Variants in TNFRSF8 observed in about 807,000 individuals in gnomAD.
TNFRSF8 encodes the protein tumor necrosis factor receptor superfamily member 8.
Under a neutral mutation model 70.8 loss-of-function variants are expected in TNFRSF8, and 26 were observed. The ratio of observed to expected loss-of-function variants is 0.37; its 90% confidence interval spans 0.27 to 0.51. The LOEUF (loss-of-function observed/expected upper bound fraction) is 0.51, where lower values mean the gene tolerates loss of function less well. TNFRSF8 is among the 20% of genes least tolerant of loss of function. The pLI is 0.94. For synonymous variants in TNFRSF8, 356 were observed against 339.2 expected, an observed-to-expected ratio of 1.05 and a Z score of -0.54; for missense variants, 720 against 807.9, an observed-to-expected ratio of 0.89 and a Z score of 1.32.
chr1:12,130,270 C>T (rs1642023711), intron 12 of TNFRSF8, among the ~76,000 whole-genome samples: 1 of 152,228 alleles, frequency 6.6e-6, no homozygotes, highest in South Asian at 2.1e-4. Context: ...GGGCCCTGTT[C>T]TGTTCAATGG....
At position 12,064,145 on chromosome 1, in the gene TNFRSF8, A is replaced by T. The variant is rs11569788; in HGVS notation, c.63+484A>T. ...CTGGAGGGTCAAGGAAAGGAGGGAG[A>T]GTTGGCTGTGGGTGAGAGTGGGGTG... On this transcript the variant is annotated intron_variant, in intron 1 of 14. Transcript: ENST00000263932. Among the ~76,000 whole-genome samples the T allele has an allele frequency of 6.4e-3, 970 of 151,540 alleles. 10 individuals are homozygous for T. The highest frequency in any genetic ancestry group is 0.022 in the African/African-American group (895 of 41,288).
intron 13 of TNFRSF8, among the ~76,000 whole-genome samples, chr1:12,136,463 A>G (rs1231736694): frequency 6.6e-6 from 1 of 152,078 alleles, no homozygotes; most frequent in Admixed American, 6.6e-5. Context: ...AGCCTTGCCA[A>G]CATAGTGAAA....
rs374164490 is a variant in TNFRSF8 at position 12,135,676 on chromosome 1, C to G, written c.1335+63C>G. On this transcript the variant is annotated intron_variant, in intron 13 of 14. Coordinates refer to ENST00000263932, the MANE Select transcript of TNFRSF8 (RefSeq NM_001243.5). The stretch of plus-strand genomic sequence containing the variant: ...CCCCTAAATCTGACTCCTTCCCTAA[C>G]AGATCTGAAGTTTTGAGAGCTGCTG... 7.5e-6 allele frequency: 12 copies of G among 1,601,324 alleles called. No individual in the cohort carries two copies. The Middle Eastern group carries it at 8.3e-4, about 110-fold the overall frequency.
Position 12,109,441 on chromosome 1 carries a change from C to G in TNFRSF8, c.422-125C>G. ...AACGGGTGCCAGGCGGGTGCCACCTCCAGATGACTGCTGTGTTTTCCAAGG... is the reference window on the plus strand; with the variant it reads ...AACGGGTGCCAGGCGGGTGCCACCTGCAGATGACTGCTGTGTTTTCCAAGG... On this transcript the variant is annotated intron_variant, in intron 4 of 14. Coordinates refer to ENST00000263932, the MANE Select transcript of TNFRSF8 (RefSeq NM_001243.5). This position sits in a 1 kb window ranked among gnomAD's most constrained non-coding sequence, Gnocchi z 4.4. 1.4e-6 allele frequency: 1 copy of G among 713,102 alleles called. No individual in the cohort carries two copies. The highest frequency in any genetic ancestry group is 2.3e-6 in the Non-Finnish European group (1 of 429,346). The allele number at this position is 713,102 out of a possible 1,614,324, so 44.2% of individuals were successfully genotyped here. A position where few individuals can be genotyped will look rare whatever the true frequency, so the allele number is the denominator to read the frequency against.
chr1:12,069,167 G>A (rs538737828), intron 1 of TNFRSF8, among the ~76,000 whole-genome samples: 14 of 127,258 alleles, frequency 1.1e-4, no homozygotes, highest in African/African-American at 3.0e-4. Context: ...CACTGCACCC[G>A]GCCTTTTTTT....
Position 12,142,181 on chromosome 1 carries a change from A to G in TNFRSF8, c.1544-106A>G. On this transcript the variant is annotated intron_variant, in intron 14 of 14. Transcript: ENST00000263932. This position sits in a 1 kb window ranked among gnomAD's most constrained non-coding sequence, Gnocchi z 5.0. ...GAGGCTGTGCCATCAGCCTGAAGCCACCCGGCAGGTGTACCAGCACTGGGC... is the reference window on the plus strand; with the variant it reads ...GAGGCTGTGCCATCAGCCTGAAGCCGCCCGGCAGGTGTACCAGCACTGGGC... 1 of 1,438,506 alleles carries G rather than the reference A, an allele frequency of 7.0e-7. No homozygotes were observed. Among genetic ancestry groups the G allele is most frequent in the South Asian group, 1.5e-5 (1 of 68,104 alleles). 89.1% of individuals were successfully genotyped at this position (1,438,506 alleles called of 1,614,324 possible).
intron 12 of TNFRSF8, among the ~76,000 whole-genome samples, chr1:12,126,841 G>A (rs889370466): frequency 5.9e-5 from 9 of 152,328 alleles, no homozygotes; most frequent in African/African-American, 2.2e-4. Context: ...CGTCGAGGTC[G>A]GGCTGTTAAG....
chr1:12,098,620 G>T (rs1259285482), intron 3 of TNFRSF8, among the ~76,000 whole-genome samples: 1 of 151,718 alleles, frequency 6.6e-6, no homozygotes, highest in East Asian at 1.9e-4. Flanking sequence ...TGAAACAGAA[G>T]AATGCCAAAC....
chr1:12,105,579 A>ACACG (rs1349621199), intron 4 of TNFRSF8, among the ~76,000 whole-genome samples: 54 of 150,944 alleles, frequency 3.6e-4, no homozygotes, highest in African/African-American at 1.2e-3. Flanking sequence ...TGTCTCACAC[A>ACACG]CACACACACA....
Position 12,135,568 on chromosome 1 carries a change from G to C in TNFRSF8, c.1310-20G>C. 1 of 1,614,032 alleles carries C rather than the reference G, an allele frequency of 6.2e-7. No individual in the cohort carries two copies. ...GGCTGCCAGACTCCTTGGTGAAGTT[G>C]CTGCTCTTGCTTTTTGCAGATTCCA... is the stretch of plus-strand genomic sequence containing the variant. On this transcript the variant is annotated intron_variant, in intron 12 of 14. Coordinates refer to ENST00000263932, the MANE Select transcript of TNFRSF8 (RefSeq NM_001243.5).
chr1:12,125,054 T>C (rs930330752), intron 10 of TNFRSF8, among the ~76,000 whole-genome samples: 2 of 152,174 alleles, frequency 1.3e-5, no homozygotes, highest in Non-Finnish European at 2.9e-5. Flanking sequence ...AAGCAAATTA[T>C]GGGCCCCATC....
intron 2 of TNFRSF8, among the ~76,000 whole-genome samples, chr1:12,087,902 T>G (rs1016641661): frequency 2.0e-5 from 3 of 152,226 alleles, no homozygotes; most frequent in Admixed American, 2.0e-4. Context: ...GGCTGAATAC[T>G]CCATATTGGT....
Position 12,079,706 on chromosome 1 carries a change from C to T in TNFRSF8, c.64-4758C>T, listed in dbSNP as rs532751390. On this transcript the variant is annotated intron_variant, in intron 1 of 14. Transcript: ENST00000263932. The stretch of plus-strand genomic sequence containing the variant: ...CCTCCTTCCAAGGGGATTTGAGAGG[C>T]ACAGGCTGGCCATCCCACCAGGTTG... Among the ~76,000 whole-genome samples the T allele has an allele frequency of 2.6e-5, 4 of 152,270 alleles. No individual in the cohort carries two copies. The South Asian group carries it at 8.3e-4, about 32-fold the overall frequency.
chr1:12,125,938 C>T lies in TNFRSF8; in HGVS notation c.1154-13C>T, dbSNP rs1278132833. The T allele has an allele frequency of 6.2e-7, 1 of 1,611,826 alleles. No homozygotes were observed. The highest frequency in any genetic ancestry group is 2.2e-5 in the East Asian group (1 of 44,888). On this transcript the variant is annotated splice_polypyrimidine_tract_variant and intron_variant, in intron 10 of 14. Coordinates refer to ENST00000263932, the MANE Select transcript of TNFRSF8 (RefSeq NM_001243.5). ...CAGCAAGGCAAAGAGTGTGGGGCGTCTCTGTGTTCCAGGGCCAGTGCTCTT... is the reference window on the plus strand; with the variant it reads ...CAGCAAGGCAAAGAGTGTGGGGCGTTTCTGTGTTCCAGGGCCAGTGCTCTT...
chr1:12,071,889 G>T lies in TNFRSF8; in HGVS notation c.63+8228G>T, dbSNP rs909915660. On this transcript the variant is annotated intron_variant, in intron 1 of 14. Coordinates refer to ENST00000263932, the MANE Select transcript of TNFRSF8 (RefSeq NM_001243.5). ...TTTTTGTATTTTTAGTAGAGATGGG[G>T]TTTCACCATGTTGGCCAGGATGGTT... Among the ~76,000 whole-genome samples the T allele has an allele frequency of 3.9e-5, 6 of 152,164 alleles. 1 individual carries two copies. The highest frequency in any genetic ancestry group is 2.6e-4 in the Admixed American group (4 of 15,284).
Position 12,141,842 on chromosome 1 carries a change from A to G in TNFRSF8, c.1544-445A>G, listed in dbSNP as rs994446969. The stretch of plus-strand genomic sequence containing the variant: ...CTTGGGCAGGTCATTTAACCTCTCC[A>G]GGCTTCAGATTCTTACCTGTAAATG... On this transcript the variant is annotated intron_variant, in intron 14 of 14. Coordinates refer to ENST00000263932, the MANE Select transcript of TNFRSF8 (RefSeq NM_001243.5). The surrounding 1 kb of genome is among the most constrained non-coding windows in gnomAD (Gnocchi z 5.4). 6.6e-5 allele frequency among the ~76,000 whole-genome samples: 10 copies of G among 152,088 alleles called. No homozygotes were observed. Among genetic ancestry groups the G allele is most frequent in the African/African-American group, 2.2e-4 (9 of 41,420 alleles).
In TNFRSF8 at chr1:12,088,161, C is replaced by T. The variant is rs559084378; in HGVS notation, c.151+3610C>T. ...AGATGTCATCGAATCCCTCCTTGCA[C>T]CCAGGCCTGTGATGCCCTCTCCAGC... On this transcript the variant is annotated intron_variant, in intron 2 of 14. Transcript: ENST00000263932. The surrounding 1 kb of genome is among the most constrained non-coding windows in gnomAD (Gnocchi z 4.0). Among the ~76,000 whole-genome samples the T allele has an allele frequency of 1.4e-3, 210 of 152,166 alleles. 3 individuals are homozygous for T. The highest frequency in any genetic ancestry group is 4.9e-3 in the African/African-American group (204 of 41,506).
At chr1:12,087,151 TTC>T (rs1413824094) in intron 2 of TNFRSF8, among the ~76,000 whole-genome samples, 1 of 142,612 alleles carries the variant, frequency 7.0e-6, no homozygotes, top group Non-Finnish European at 1.5e-5. Context: ...AAATTTTTAT[TTC>T]TCTCTCTCTC....
Position 12,141,031 on chromosome 1 carries a change from C to T in TNFRSF8, c.1544-1256C>T, listed in dbSNP as rs1012110039. On this transcript the variant is annotated intron_variant, in intron 14 of 14. Coordinates refer to ENST00000263932, the MANE Select transcript of TNFRSF8 (RefSeq NM_001243.5). This position sits in a 1 kb window ranked among gnomAD's most constrained non-coding sequence, Gnocchi z 5.4. ...GGGGCGCCCAGCCCATAGCCTGTCC[C>T]GCACTCTGGGCCTTCTCCTCTTGCT... is the stretch of plus-strand genomic sequence containing the variant. 4.6e-5 allele frequency among the ~76,000 whole-genome samples: 7 copies of T among 152,220 alleles called. No homozygotes were observed. The highest frequency in any genetic ancestry group is 1.3e-4 in the Admixed American group (2 of 15,282).
Sources: gnomAD v4.1 joint callset for allele counts (sites outside exome capture counted in the v4.1 genomes callset) on GRCh38, gnomAD v4.1.1 for gene constraint, Gnocchi (gnomAD v3.1) non-coding constraint, MANE v1.5 for transcripts, NCBI Gene and HGNC (gene_info 2026-07-23, HGNC 2026-07-21) for gene names.